CRTC1: variants seen among roughly 807,000 people sequenced by gnomAD.
CRTC1 encodes CREB regulated transcription coactivator 1, also known as CREB-regulated transcription coactivator 1.
In CRTC1, 18 loss-of-function variants were observed where a neutral mutation model predicts 66.1. The ratio of observed to expected loss-of-function variants is 0.27; its 90% confidence interval spans 0.19 to 0.40. CRTC1 has a LOEUF of 0.40. CRTC1 is among the 10% of genes least tolerant of loss of function. The probability of loss-of-function intolerance (pLI) is 1.00; values close to 1 mark genes in which losing one functional copy is unlikely to be tolerated. For missense variants in CRTC1, 669 were observed against 887.9 expected, an observed-to-expected ratio of 0.75 and a Z score of 3.13; for synonymous variants, 416 against 398.8, an observed-to-expected ratio of 1.04 and a Z score of -0.51.
In CRTC1 at chr19:18,768,561, C is replaced by T. The variant is rs768642380; in HGVS notation, c.1088C>T (p.Pro363Leu). ...TTCACCCAGGCGGGCTCCCAGCAGC[C>T]ACCGCCGCAGCCCCAGCCCCCGCCG... ...AFFTQAGSQQPPPQPQPPPPP... is the reference protein window; with the variant it reads ...AFFTQAGSQQLPPQPQPPPPP... The change falls in exon 10 of 14, where the codon CCA becomes CTA. Residue 363 changes from proline (P) to leucine (L), a missense_variant. Coordinates refer to ENST00000321949, the MANE Select transcript of CRTC1 (RefSeq NM_015321.3). This position sits in a 1 kb window ranked among gnomAD's most constrained non-coding sequence, Gnocchi z 5.6. 2 of 1,600,808 alleles carry T rather than the reference C, an allele frequency of 1.2e-6. No homozygotes were observed. The highest frequency in any genetic ancestry group is 2.2e-5 in the East Asian group (1 of 44,456).
intron 1 of CRTC1, among the ~76,000 whole-genome samples, chr19:18,721,394 A>C (rs952685315): frequency 2.0e-5 from 3 of 150,500 alleles, no homozygotes; most frequent in Admixed American, 6.6e-5. Flanking sequence ...GGGGTTTCAC[A>C]GTGTTAGCCA....
Position 18,775,834 on chromosome 19 carries a change from C to T in CRTC1, c.1693+13C>T, listed in dbSNP as rs1465693379. 2.6e-6 allele frequency: 4 copies of T among 1,564,084 alleles called. No homozygotes were observed. Among genetic ancestry groups the T allele is most frequent in the African/African-American group, 1.4e-5 (1 of 73,034 alleles). On this transcript the variant is annotated intron_variant, in intron 13 of 13. Coordinates refer to ENST00000321949, the MANE Select transcript of CRTC1 (RefSeq NM_015321.3). Reference sequence around the variant, plus strand: ...ATCATCCTCACAGGTGAGGCCAGGCCGGGGGCGCGTGTGCGGCGCCCCAAG... The same window carrying T: ...ATCATCCTCACAGGTGAGGCCAGGCTGGGGGCGCGTGTGCGGCGCCCCAAG...
At chr19:18,698,868 C>T (rs1568482300) in intron 1 of CRTC1, among the ~76,000 whole-genome samples, 1 of 150,406 alleles carries the variant, frequency 6.6e-6, no homozygotes, top group Non-Finnish European at 1.5e-5. Flanking sequence ...CAAGTGCACA[C>T]TGTGTACTCA....
chr19:18,735,037 G>C (rs533219782), intron 1 of CRTC1, among the ~76,000 whole-genome samples: 1 of 152,198 alleles, frequency 6.6e-6, no homozygotes, highest in Non-Finnish European at 1.5e-5. Flanking sequence ...CCCACAACAC[G>C]CACAGGTGAT....
intron 3 of CRTC1, 79 bp from the exon 4 acceptor site, chr19:18,746,974 G>C: frequency 7.1e-7 from 1 of 1,415,706 alleles, no homozygotes; most frequent in Non-Finnish European, 1.0e-6. Flanking sequence ...AGCCAGCCGG[G>C]GCTTCCTGCC....
intron 8 of CRTC1, among the ~76,000 whole-genome samples, chr19:18,762,517 G>A (rs1469145837): frequency 2.6e-5 from 4 of 152,224 alleles, no homozygotes; most frequent in Non-Finnish European, 5.9e-5. Context: ...AGAGGCCTTC[G>A]CGGCCGAGGA....
intron 1 of CRTC1, among the ~76,000 whole-genome samples, chr19:18,705,048 G>T (rs2053232493): frequency 6.6e-6 from 1 of 151,862 alleles, no homozygotes. Flanking sequence ...TTATCATTTT[G>T]TGTCTGGCTT....
intron 1 of CRTC1, among the ~76,000 whole-genome samples, chr19:18,709,122 G>C (rs2053332195): frequency 6.6e-6 from 1 of 152,204 alleles, no homozygotes; most frequent in Admixed American, 6.5e-5. Flanking sequence ...TGGCATGGGA[G>C]GGGCCTTGTG....
chr19:18,720,398 G>C (rs918547712), intron 1 of CRTC1, among the ~76,000 whole-genome samples: 4 of 151,802 alleles, frequency 2.6e-5, no homozygotes, highest in Non-Finnish European at 4.4e-5. Context: ...CACCCAGGCT[G>C]GAGTGCAGTG....
intron 1 of CRTC1, among the ~76,000 whole-genome samples, chr19:18,742,430 C>A (rs945551553): frequency 2.6e-5 from 4 of 152,204 alleles, no homozygotes; most frequent in Non-Finnish European, 5.9e-5. Context: ...CCGTCGGGAT[C>A]ACAAGTCCCA....
In CRTC1 at chr19:18,684,087, C is replaced by T. The variant is rs777623094; in HGVS notation, c.126+259C>T. 2.6e-5 allele frequency among the ~76,000 whole-genome samples: 4 copies of T among 151,986 alleles called. No homozygotes were observed. In the South Asian group the frequency reaches 6.2e-4, roughly 24 times the overall value. ...CACTGCTCCCCGGAGGAGACAGGGG[C>T]CTCTATATCATTACTACTAGGAGGG... On this transcript the variant is annotated intron_variant, in intron 1 of 13. Transcript: ENST00000321949.
chr19:18,761,364 C>A lies in CRTC1; in HGVS notation c.886+1136C>A, dbSNP rs150958996. Among the ~76,000 whole-genome samples the A allele has an allele frequency of 3.5e-4, 54 of 152,160 alleles. No individual in the cohort carries two copies. The South Asian group carries it at 3.9e-3, about 11-fold the overall frequency. ...GAGAAATGGCGTGGCCCCAACTAGTCCTGGGGGGTGGGACAGGCTGGAGGG... is the reference window on the plus strand; with the variant it reads ...GAGAAATGGCGTGGCCCCAACTAGTACTGGGGGGTGGGACAGGCTGGAGGG... On this transcript the variant is annotated intron_variant, in intron 8 of 13. Coordinates refer to ENST00000321949, the MANE Select transcript of CRTC1 (RefSeq NM_015321.3).
At chr19:18,772,056 T>C (rs2054881798) in intron 11 of CRTC1, among the ~76,000 whole-genome samples, 1 of 152,176 alleles carries the variant, frequency 6.6e-6, no homozygotes. Flanking sequence ...CGCTCTGCAG[T>C]GTCTCAGGGC....
intron 1 of CRTC1, among the ~76,000 whole-genome samples, chr19:18,711,334 G>A (rs1435283712): frequency 1.3e-5 from 2 of 151,998 alleles, no homozygotes; most frequent in Non-Finnish European, 2.9e-5. Flanking sequence ...CCCCGGGGCC[G>A]CTTTGAAGGG....
At chr19:18,751,981 T>C (rs1436799057) in intron 5 of CRTC1, among the ~76,000 whole-genome samples, 8 of 151,812 alleles carry the variant, frequency 5.3e-5, no homozygotes, top group African/African-American at 1.9e-4. Context: ...CTGGCCAACA[T>C]GGAGAAACCC....
chr19:18,730,368 T>G (rs1182368095), intron 1 of CRTC1, among the ~76,000 whole-genome samples: 1 of 152,046 alleles, frequency 6.6e-6, no homozygotes, highest in Non-Finnish European at 1.5e-5. Flanking sequence ...CGCTACCTGG[T>G]GCAGCCCCTG....
intron 9 of CRTC1, 81 bp downstream of exon 9, chr19:18,765,609 GTTCC>G: frequency 1.4e-6 from 2 of 1,382,526 alleles, no homozygotes; most frequent in Non-Finnish European, 2.0e-6. Flanking sequence ...AAGGCCTCCT[GTTCC>G]TTCCAGGAGG....
Position 18,777,157 on chromosome 19 carries a change from A to G in CRTC1, c.1694-14A>G, listed in dbSNP as rs746470893. On this transcript the variant is annotated splice_polypyrimidine_tract_variant and intron_variant, in intron 13 of 13. Coordinates refer to ENST00000321949, the MANE Select transcript of CRTC1 (RefSeq NM_015321.3). This position sits in a 1 kb window ranked among gnomAD's most constrained non-coding sequence, Gnocchi z 5.5. ...GGGCTAAGCAGTGCCTTTTGTCCCC[A>G]CCCCATCCCCCAGTGACAGGAGAGT... 4 of 748,564 alleles carry G rather than the reference A, an allele frequency of 5.3e-6. No individual in the cohort carries two copies. The highest frequency in any genetic ancestry group is 8.6e-6 in the Non-Finnish European group (4 of 464,926). 46.4% of individuals were successfully genotyped at this position (748,564 alleles called of 1,614,324 possible).
At chr19:18,719,185 G>A (rs963546324) in intron 1 of CRTC1, among the ~76,000 whole-genome samples, 1 of 152,216 alleles carries the variant, frequency 6.6e-6, no homozygotes, top group South Asian at 2.1e-4. Flanking sequence ...CCTGGCGGGC[G>A]CAGCCTCCAA....
Sources: gnomAD v4.1 joint callset for allele counts (sites outside exome capture counted in the v4.1 genomes callset) on GRCh38, gnomAD v4.1.1 for gene constraint, Gnocchi (gnomAD v3.1) non-coding constraint, MANE v1.5 for transcripts, NCBI Gene and HGNC (gene_info 2026-07-23, HGNC 2026-07-21) for gene names.